DCC: variants seen among roughly 807,000 people sequenced by gnomAD.
DCC encodes the protein DCC netrin 1 receptor.
DCC carries 58 observed loss-of-function variants against 172.5 expected under a neutral mutation model. The ratio of observed to expected loss-of-function variants is 0.34; its 90% CI spans 0.27 to 0.42. DCC has a LOEUF of 0.42. Among genes scored for constraint, DCC ranks in the 10% least tolerant of loss-of-function variants. The probability of loss-of-function intolerance (pLI) is 1.00; values close to 1 mark genes in which losing one functional copy is unlikely to be tolerated. For synonymous variants in DCC, 709 were observed against 644.5 expected (o/e 1.10, Z -1.52); for missense variants, 1,740 against 1,791.0 (o/e 0.97, Z 0.51).
chr18:52,705,936 T>C (rs2036202437), intron 1 of DCC, among the ~76,000 whole-genome samples: 1 of 152,230 alleles, frequency 6.6e-6, no homozygotes, highest in African/African-American at 2.4e-5. Flanking sequence ...TTTATGTCTG[T>C]ATGTTCAAAT....
chr18:52,571,769 C>T (rs1409327700), intron 1 of DCC, among the ~76,000 whole-genome samples: 2 of 152,144 alleles, frequency 1.3e-5, no homozygotes, highest in East Asian at 1.9e-4. Context: ...GGAGAGCATT[C>T]CATGCTGCAA....
At chr18:53,329,724 A>C (rs1216867466) in intron 14 of DCC, among the ~76,000 whole-genome samples, 1 of 152,174 alleles carries the variant, frequency 6.6e-6, no homozygotes, top group Non-Finnish European at 1.5e-5. Context: ...TTAAATGATT[A>C]AGGATTTTCT....
At chr18:53,031,675 G>A (rs574528131) in intron 5 of DCC, among the ~76,000 whole-genome samples, 2 of 151,860 alleles carry the variant, frequency 1.3e-5, no homozygotes, top group Non-Finnish European at 2.9e-5. Flanking sequence ...TAATATTAGG[G>A]TTCATCAAAA....
chr18:53,056,437 ATGCCAGATGGC>A (rs2042405503), intron 5 of DCC, among the ~76,000 whole-genome samples: 1 of 152,130 alleles, frequency 6.6e-6, no homozygotes, highest in African/African-American at 2.4e-5. Flanking sequence ...CCTGCATTCA[ATGCCAGATGGC>A]TTCCTTCGTA....
In DCC at chr18:52,960,079, C is replaced by A. The variant is rs554484609; in HGVS notation, c.985+34709C>A. Among the ~76,000 whole-genome samples, 5 of 152,188 alleles carry A rather than the reference C, an allele frequency of 3.3e-5. No individual in the cohort carries two copies. In the East Asian group the frequency reaches 7.7e-4, roughly 24 times the overall value. ...GACTTTAAGTAGGCTTGGAGATACA[C>A]GCACCCACGCATGCATGCACACACG... On this transcript the variant is annotated intron_variant, in intron 5 of 28. Transcript: ENST00000442544.
intron 5 of DCC, among the ~76,000 whole-genome samples, chr18:52,939,389 C>G (rs957464450): frequency 7.4e-6 from 1 of 134,444 alleles, no homozygotes; most frequent in Non-Finnish European, 1.7e-5. Context: ...TAACTTATCA[C>G]AGTCTGTTAT....
At chr18:52,375,969 G>C (rs1985328394) in intron 1 of DCC, among the ~76,000 whole-genome samples, 1 of 152,154 alleles carries the variant, frequency 6.6e-6, no homozygotes, top group Non-Finnish European at 1.5e-5. Context: ...AGGTTTCCTA[G>C]CCCTTTAGAA....
rs770642527 is a variant in DCC, at chr18:53,179,111, C to T, written c.1568C>T (p.Pro523Leu). Reference sequence around the variant, plus strand: ...CAACCCATCAAGGTGGCCACACAGCCTGAGTGTGAGTATGAAAAGGAACGG... The same window carrying T: ...CAACCCATCAAGGTGGCCACACAGCTTGAGTGTGAGTATGAAAAGGAACGG... The part of the protein sequence containing the change: ...SSQPIKVATQ[P>L]ELQVPGPVEN... The change falls in exon 9 of 29, where the codon CCT becomes CTT. Residue 523 changes from proline to leucine, a missense_variant. This residue lies in a region of DCC where 1,732 missense variants were observed against 1,767.4 expected (regional missense o/e 0.98). Transcript: ENST00000442544. 1.5e-5 allele frequency: 25 copies of T among 1,613,656 alleles called. No homozygotes were observed. The highest frequency in any genetic ancestry group is 1.0e-4 in the Admixed American group (6 of 59,950).
chr18:53,455,270 G>A (rs1248143410), intron 23 of DCC, among the ~76,000 whole-genome samples: 1 of 152,034 alleles, frequency 6.6e-6, no homozygotes, highest in East Asian at 1.9e-4. Flanking sequence ...AATAAAGTTG[G>A]GAACAACTTT....
chr18:52,947,612 T>A (rs781219129), intron 5 of DCC, among the ~76,000 whole-genome samples: 11 of 152,180 alleles, frequency 7.2e-5, no homozygotes, highest in Non-Finnish European at 1.3e-4. Context: ...TGAAAAGCAA[T>A]CATATCACTC....
chr18:53,012,426 C>G (rs2041743814), intron 5 of DCC, among the ~76,000 whole-genome samples: 1 of 151,848 alleles, frequency 6.6e-6, no homozygotes, highest in African/African-American at 2.4e-5. Flanking sequence ...AAAATAGTTC[C>G]TACTCTAAAA....
chr18:52,885,400 T>C (rs937504480), intron 2 of DCC, among the ~76,000 whole-genome samples: 1 of 152,146 alleles, frequency 6.6e-6, no homozygotes, highest in African/African-American at 2.4e-5. Context: ...TTCCCTCCCC[T>C]GTCCATAGAC....
intron 2 of DCC, among the ~76,000 whole-genome samples, chr18:52,902,163 T>C (rs975763277): frequency 1.3e-5 from 2 of 152,088 alleles, no homozygotes; most frequent in African/African-American, 4.8e-5. Context: ...TTTGCAGAAG[T>C]TGTGGAAAAT....
chr18:52,806,319 C>A (rs76245835), intron 2 of DCC, among the ~76,000 whole-genome samples: 3,500 of 152,256 alleles, frequency 0.023, 90 homozygotes, highest in East Asian at 0.089. Flanking sequence ...GATGAACTTA[C>A]ATTGATACAT....
intron 7 of DCC, among the ~76,000 whole-genome samples, chr18:53,133,874 A>G (rs770982582): frequency 1.2e-4 from 18 of 152,212 alleles, no homozygotes; most frequent in Non-Finnish European, 2.4e-4. Context: ...GCCAGGTCAT[A>G]CAAAGAAGAA....
chr18:53,159,815 G>T (rs534291592), intron 8 of DCC, among the ~76,000 whole-genome samples: 1 of 152,000 alleles, frequency 6.6e-6, no homozygotes, highest in South Asian at 2.1e-4. Context: ...TATTAAATAC[G>T]AATAATACTT....
intron 6 of DCC, among the ~76,000 whole-genome samples, chr18:53,065,131 T>C (rs1326654926): frequency 1.3e-5 from 2 of 152,158 alleles, no homozygotes; most frequent in African/African-American, 4.8e-5. Flanking sequence ...AAATAGTAAG[T>C]TATATGAAAA....
chr18:52,800,673 T>C (rs931302832), intron 2 of DCC, among the ~76,000 whole-genome samples: 1 of 152,204 alleles, frequency 6.6e-6, no homozygotes, highest in Non-Finnish European at 1.5e-5. Context: ...TTCTCATAAG[T>C]AGCAAAATGT....
chr18:52,440,679 CT>C (rs1435264458), intron 1 of DCC, among the ~76,000 whole-genome samples: 1 of 152,186 alleles, frequency 6.6e-6, no homozygotes, highest in Non-Finnish European at 1.5e-5. Flanking sequence ...CTAAATTGCA[CT>C]GTTAGAAGAA....
Sources: gnomAD v4.1 joint callset for allele counts (sites outside exome capture counted in the v4.1 genomes callset) on GRCh38, gnomAD v4.1.1 for gene constraint, gnomAD v4.1.1 regional missense constraint, MANE v1.5 for transcripts, NCBI Gene and HGNC (gene_info 2026-07-23, HGNC 2026-07-21) for gene names.